PTCD2: variants seen among roughly 807,000 people sequenced by gnomAD.
PTCD2 encodes pentatricopeptide repeat domain 2.
Under a neutral mutation model 42.6 loss-of-function variants are expected in PTCD2, and 31 were observed. The ratio of observed to expected loss-of-function variants is 0.73; its 90% CI spans 0.55 to 0.98. PTCD2 has a LOEUF of 0.98. Ranked by LOEUF, PTCD2 falls within the 50% of genes least tolerant of loss-of-function variation. The pLI, the probability that PTCD2 is intolerant of heterozygous loss-of-function variation, is 0.00. For synonymous variants in PTCD2, 183 were observed against 170.9 expected (o/e 1.07, Z -0.55); for missense variants, 476 against 454.8 (o/e 1.05, Z -0.42).
intron 7 of PTCD2, among the ~76,000 whole-genome samples, chr5:72,339,860 T>C (rs1751964254): frequency 6.6e-6 from 1 of 152,144 alleles, no homozygotes; most frequent in African/African-American, 2.4e-5. Flanking sequence ...TTATCTAATA[T>C]TAGTATCTCC....
At chr5:72,354,939 A>G (rs901537498) in intron 9 of PTCD2, among the ~76,000 whole-genome samples, 1 of 152,232 alleles carries the variant, frequency 6.6e-6, no homozygotes, top group Non-Finnish European at 1.5e-5. Context: ...ATTTATATGG[A>G]TCACTTAAAT....
chr5:72,326,676 G>C lies in PTCD2; in HGVS notation c.285G>C (p.Leu95Phe). ...TQNKLILKGELITLLHLCESR... is the reference protein window; with the variant it reads ...TQNKLILKGEFITLLHLCESR... ...ACAAGCTCATCTTGAAGGGGGAGTTGATAACCTTACTACATTTGTGTGAGT... is the reference window on the plus strand; with the variant it reads ...ACAAGCTCATCTTGAAGGGGGAGTTCATAACCTTACTACATTTGTGTGAGT... Residue 95 changes from leucine to phenylalanine, a missense_variant, in exon 3 of 10, where the codon TTG becomes TTC. Coordinates refer to ENST00000380639, the MANE Select transcript of PTCD2 (RefSeq NM_024754.5). The C allele has an allele frequency of 6.2e-7, 1 of 1,614,144 alleles. No homozygotes were observed. Among genetic ancestry groups the C allele is most frequent in the Non-Finnish European group, 8.5e-7 (1 of 1,179,978 alleles).
intron 1 of PTCD2, among the ~76,000 whole-genome samples, chr5:72,321,952 C>T (rs1175664804): frequency 6.6e-6 from 1 of 152,202 alleles, no homozygotes; most frequent in Non-Finnish European, 1.5e-5. Flanking sequence ...TTCTTTCACA[C>T]ACACAAATAA....
At chr5:72,342,417 T>C (rs1030498184) in intron 7 of PTCD2, among the ~76,000 whole-genome samples, 2 of 152,262 alleles carry the variant, frequency 1.3e-5, no homozygotes, top group African/African-American at 4.8e-5. Context: ...AAGTTCTCTT[T>C]ACTAGTCCTG....
At chr5:72,333,539 T>C (rs1349992109) in intron 4 of PTCD2, among the ~76,000 whole-genome samples, 1 of 151,932 alleles carries the variant, frequency 6.6e-6, no homozygotes, top group African/African-American at 2.4e-5. Context: ...CGGAAAAGAG[T>C]GAACTTGAGC....
intron 7 of PTCD2, among the ~76,000 whole-genome samples, chr5:72,340,816 A>T (rs1472779418): frequency 3.3e-5 from 5 of 151,876 alleles, no homozygotes; most frequent in Admixed American, 3.3e-4. Flanking sequence ...GGAGAAATCT[A>T]GTATGGAATG....
chr5:72,342,543 T>C (rs1752125799), intron 7 of PTCD2, among the ~76,000 whole-genome samples: 1 of 152,238 alleles, frequency 6.6e-6, no homozygotes, highest in Non-Finnish European at 1.5e-5. Flanking sequence ...ACTGTCTGCC[T>C]CTGACTGCTT....
chr5:72,325,984 C>T (rs1257356343), intron 2 of PTCD2, among the ~76,000 whole-genome samples: 2 of 152,188 alleles, frequency 1.3e-5, no homozygotes, highest in Non-Finnish European at 2.9e-5. Flanking sequence ...CACTGAAAAA[C>T]TGTTTGCTGC....
intron 8 of PTCD2, among the ~76,000 whole-genome samples, chr5:72,350,607 T>C (rs567754159): frequency 6.6e-6 from 1 of 152,140 alleles, no homozygotes; most frequent in Non-Finnish European, 1.5e-5. Context: ...GAAAGTTGTC[T>C]CCCAAAAAGG....
chr5:72,351,311 C>T (rs759585248), intron 8 of PTCD2, among the ~76,000 whole-genome samples: 8 of 152,038 alleles, frequency 5.3e-5, no homozygotes, highest in East Asian at 1.9e-4. Flanking sequence ...AGTATCATTC[C>T]GAAAGCACAC....
At chr5:72,324,914 T>G (rs1000214839) in intron 2 of PTCD2, among the ~76,000 whole-genome samples, 1 of 152,062 alleles carries the variant, frequency 6.6e-6, no homozygotes, top group African/African-American at 2.4e-5. Flanking sequence ...AATACTGGAT[T>G]CTTAAGGTGT....
chr5:72,352,801 T>G (rs1385611847), intron 9 of PTCD2, 47 bp downstream of exon 9: 1 of 973,274 alleles, frequency 1.0e-6, no homozygotes, highest in Non-Finnish European at 1.6e-6. Flanking sequence ...GAAAGGACAC[T>G]CTTAAAAATG....
intron 4 of PTCD2, among the ~76,000 whole-genome samples, chr5:72,334,575 G>A (rs376943254): frequency 5.9e-5 from 9 of 151,374 alleles, no homozygotes; most frequent in East Asian, 5.8e-4. Context: ...TTTTTGAGAC[G>A]GAGTCTCGCC....
At position 72,366,799 on chromosome 5, in the gene PTCD2, A is replaced by G. The variant is rs1753215594; in HGVS notation, c.*8372A>G. 1 of 152,264 alleles carries G rather than the reference A, an allele frequency of 6.6e-6. No individual in the cohort carries two copies. Among genetic ancestry groups the G allele is most frequent in the African/African-American group, 2.4e-5 (1 of 41,470 alleles). 9.4% of individuals were successfully genotyped at this position (152,264 alleles called of 1,614,324 possible). A position where few individuals can be genotyped will look rare whatever the true frequency, so the allele number is the denominator to read the frequency against. On this transcript the variant is annotated 3_prime_UTR_variant, in exon 10 of 10. Transcript: ENST00000380639. ...CTGCAGAAAGTAGACCAATGTAAGT[A>G]TCATGCAATGTGTCCATGTGCGTGT... is the stretch of plus-strand genomic sequence containing the variant.
At chr5:72,342,915 C>A in intron 7 of PTCD2, 47 bp from the exon 8 acceptor site, 1 of 1,217,224 alleles carries the variant, frequency 8.2e-7, no homozygotes, top group Non-Finnish European at 1.2e-6. Context: ...TTTACAATAA[C>A]ATTAGTTCCT....
At chr5:72,320,734 C>T in intron 1 of PTCD2, 1 of 576,936 alleles carries the variant, frequency 1.7e-6, no homozygotes, top group East Asian at 3.0e-5. Context: ...GACCTTGGGG[C>T]TGTAGTGCTC....
At chr5:72,331,803 A>G (rs1269121847) in intron 4 of PTCD2, among the ~76,000 whole-genome samples, 1 of 152,194 alleles carries the variant, frequency 6.6e-6, no homozygotes, top group African/African-American at 2.4e-5. Context: ...TCCGTCACAT[A>G]TTCTGACTTT....
At chr5:72,326,806 G>C in intron 3 of PTCD2, 65 bp downstream of exon 3, 1 of 1,542,026 alleles carries the variant, frequency 6.5e-7, no homozygotes, top group Non-Finnish European at 8.8e-7. Flanking sequence ...TCTATGAGCA[G>C]TCTGATCCAC....
chr5:72,352,737 G>T lies in PTCD2; in HGVS notation c.925G>T (p.Val309Leu). The T allele has an allele frequency of 6.3e-7, 1 of 1,579,082 alleles. No individual in the cohort carries two copies. Among genetic ancestry groups the T allele is most frequent in the Non-Finnish European group, 8.7e-7 (1 of 1,148,530 alleles). The change falls in exon 9 of 10, where the codon GTG becomes TTG. Residue 309 changes from valine (V) to leucine (L), a missense_variant. Physicochemically the swap from Val to Leu is conservative, Grantham distance 32 (BLOSUM62 1). Transcript: ENST00000380639. ...TTTATCAAAATTTGTGAAAAGACAT[G>T]TGTTCTCGGAGGAAGTGGTGAGTAT... ...GNLSKFVKRHVFSEEVLAKVR... is the reference protein window; with the variant it reads ...GNLSKFVKRHLFSEEVLAKVR...
Sources: gnomAD v4.1 joint callset for allele counts (sites outside exome capture counted in the v4.1 genomes callset) on GRCh38, gnomAD v4.1.1 for gene constraint, MANE v1.5 for transcripts, NCBI Gene and HGNC (gene_info 2026-07-23, HGNC 2026-07-21) for gene names.